The following GLTP variants were observed in gnomAD, a reference collection of about 807,000 sequenced individuals.
GLTP encodes glycolipid transfer protein.
Under a neutral mutation model 24.0 loss-of-function variants are expected in GLTP, and 22 were observed. That is an observed-to-expected ratio of 0.92 (90% CI 0.65 to 1.31). GLTP has a LOEUF of 1.31. GLTP is among the 50% of genes most tolerant of loss of function. The pLI is 0.00. For synonymous variants in GLTP, 92 were observed against 115.9 expected (o/e 0.79, Z 1.33); for missense variants, 224 against 276.6 (o/e 0.81, Z 1.35).
At chr12:109,874,106 G>C (rs1187887685) in intron 1 of GLTP, among the ~76,000 whole-genome samples, 1 of 152,166 alleles carries the variant, frequency 6.6e-6, no homozygotes, top group Non-Finnish European at 1.5e-5. Flanking sequence ...CTTTGCCAGA[G>C]AGAAAGCCAG....
At position 109,852,506 on chromosome 12, in the gene GLTP, G is replaced by A. The variant is rs1455222170; in HGVS notation, c.*49C>T. The A allele has an allele frequency of 2.4e-6, 3 of 1,242,068 alleles. No individual in the cohort carries two copies. The highest frequency in any genetic ancestry group is 1.7e-5 in the Admixed American group (1 of 57,500). The allele number at this position is 1,242,068 out of a possible 1,614,324, so 76.9% of individuals were successfully genotyped here. A position where few individuals can be genotyped will look rare whatever the true frequency, so the allele number is the denominator to read the frequency against. ...GATTCACAGTGATTCTGGTTTGCCTGTTTCTCCATGTGGCCACGAGTCGGG... is the reference window on the plus strand; with the variant it reads ...GATTCACAGTGATTCTGGTTTGCCTATTTCTCCATGTGGCCACGAGTCGGG... On this transcript the variant is annotated 3_prime_UTR_variant, in exon 5 of 5. Transcript: ENST00000318348.
chr12:109,867,780 T>C (rs796644843), intron 1 of GLTP, among the ~76,000 whole-genome samples: 44 of 31,066 alleles, frequency 1.4e-3, no homozygotes, highest in Admixed American at 1.9e-3. Context: ...TCTTTTCTCT[T>C]TTTTTTTTTT....
At chr12:109,868,151 CAT>C (rs1269862788) in intron 1 of GLTP, among the ~76,000 whole-genome samples, 2 of 152,352 alleles carry the variant, frequency 1.3e-5, no homozygotes, top group East Asian at 1.9e-4. Flanking sequence ...ACTACAGACA[CAT>C]GTCACTACGA....
At chr12:109,877,178 C>T (rs1450720080) in intron 1 of GLTP, among the ~76,000 whole-genome samples, 2 of 152,152 alleles carry the variant, frequency 1.3e-5, no homozygotes, top group African/African-American at 4.8e-5. Flanking sequence ...CCAAAAAGAC[C>T]GATGTAAATG....
At chr12:109,864,099 C>A (rs1030681261) in intron 1 of GLTP, among the ~76,000 whole-genome samples, 1 of 152,182 alleles carries the variant, frequency 6.6e-6, no homozygotes, top group East Asian at 1.9e-4. Context: ...GGCCACCACA[C>A]AGGGCCAGAG....
intron 4 of GLTP, among the ~76,000 whole-genome samples, chr12:109,853,910 T>A (rs1892760164): frequency 6.7e-6 from 1 of 149,774 alleles, no homozygotes; most frequent in South Asian, 2.2e-4. Context: ...GCCCAGCTAA[T>A]TTTTTGTATT....
In GLTP at chr12:109,857,069, G is replaced by A; in HGVS notation, c.296+457C>T. Among the ~76,000 whole-genome samples, 1 of 152,186 alleles carries A rather than the reference G, an allele frequency of 6.6e-6. No individual in the cohort carries two copies. The highest frequency in any genetic ancestry group is 1.9e-4 in the East Asian group (1 of 5,194). On this transcript the variant is annotated intron_variant, in intron 3 of 4. Transcript: ENST00000318348. The surrounding 1 kb of genome is among the most constrained non-coding windows in gnomAD (Gnocchi z 4.3). ...AAGAATTCCTTCTCCTCAAGATGGT[G>A]TACTTCTACCAAGAAACTGTCATAA...
chr12:109,858,925 C>T (rs1892837711), intron 1 of GLTP, among the ~76,000 whole-genome samples, 184 bp from the exon 2 acceptor site: 1 of 152,224 alleles, frequency 6.6e-6, no homozygotes, highest in Admixed American at 6.5e-5. Flanking sequence ...CTCTCAGCTT[C>T]CTGTTTCCTA....
At chr12:109,858,267 C>T in intron 2 of GLTP, 1 of 458,134 alleles carries the variant, frequency 2.2e-6, no homozygotes, top group Non-Finnish European at 4.4e-6. Context: ...TGCAGTGTGT[C>T]CCAAGCCCTT....
chr12:109,856,234 C>T (rs1892793845), intron 3 of GLTP, among the ~76,000 whole-genome samples: 1 of 152,224 alleles, frequency 6.6e-6, no homozygotes, highest in Admixed American at 6.5e-5. Context: ...CCCCAGCCCT[C>T]AGCATCTTTC....
Position 109,851,074 on chromosome 12 carries a change from G to C in GLTP, c.*1481C>G, listed in dbSNP as rs1565895707. The C allele has an allele frequency of 5.2e-5, 8 of 152,558 alleles. No individual in the cohort carries two copies. The highest frequency in any genetic ancestry group is 4.6e-4 in the Admixed American group (7 of 15,264). 9.5% of individuals were successfully genotyped at this position (152,558 alleles called of 1,614,324 possible). ...TTTTGGGGTTGCTTTGTTTGCCCCA[G>C]CACTTTAAAAAATACAGCTCTTTTT... On this transcript the variant is annotated 3_prime_UTR_variant, in exon 5 of 5. Transcript: ENST00000318348.
rs74504259 is a variant in GLTP at position 109,862,281 on chromosome 12, A to G, written c.104-3540T>C. 2.2e-3 allele frequency among the ~76,000 whole-genome samples: 327 copies of G among 151,880 alleles called. 1 individual carries two copies. The highest frequency in any genetic ancestry group is 7.7e-3 in the African/African-American group (317 of 41,424). On this transcript the variant is annotated intron_variant, in intron 1 of 4. Transcript: ENST00000318348. ...TTTAACCTCACCTGATGGATCACTG[A>G]CCTCCGCTGCGTGTAGAGGCCAGCC...
intron 4 of GLTP, among the ~76,000 whole-genome samples, chr12:109,854,813 G>A (rs987801144): frequency 6.6e-6 from 1 of 152,188 alleles, no homozygotes; most frequent in African/African-American, 2.4e-5. Context: ...GGGCTGCCAC[G>A]CATCTCACCC....
intron 3 of GLTP, among the ~76,000 whole-genome samples, chr12:109,856,811 G>A (rs189853536): frequency 1.8e-4 from 28 of 152,266 alleles, no homozygotes; most frequent in Admixed American, 3.9e-4. Flanking sequence ...TGCCTCACAC[G>A]GATCACTTGA....
chr12:109,871,149 T>C (rs1485786258), intron 1 of GLTP, among the ~76,000 whole-genome samples: 1 of 149,220 alleles, frequency 6.7e-6, no homozygotes, highest in Non-Finnish European at 1.5e-5. Flanking sequence ...AGTGGCGTGA[T>C]CTCGACTCAC....
Position 109,857,454 on chromosome 12 carries a change from G to A in GLTP, c.296+72C>T, listed in dbSNP as rs78924116. On this transcript the variant is annotated intron_variant, in intron 3 of 4. Transcript: ENST00000318348. The surrounding 1 kb of genome is among the most constrained non-coding windows in gnomAD (Gnocchi z 4.3). ...GACCTTCCCAGCCTGAGCTGACACTGCGGAACAGTGACAGGTTTGCTTTCC... is the reference window on the plus strand; with the variant it reads ...GACCTTCCCAGCCTGAGCTGACACTACGGAACAGTGACAGGTTTGCTTTCC... 1,342 of 1,543,146 alleles carry A rather than the reference G, an allele frequency of 8.7e-4. 7 individuals are homozygous for A. The African/African-American group carries it at 0.015, about 18-fold the overall frequency.
chr12:109,862,861 G>T (rs1056297892), intron 1 of GLTP, among the ~76,000 whole-genome samples: 2 of 152,186 alleles, frequency 1.3e-5, no homozygotes, highest in African/African-American at 4.8e-5. Context: ...AGACCAGCCT[G>T]ACCAACTTGG....
intron 2 of GLTP, chr12:109,858,309 T>C (rs1262385097): frequency 9.1e-6 from 4 of 439,386 alleles, no homozygotes; most frequent in Non-Finnish European, 4.5e-6. Flanking sequence ...TCACAGGCAG[T>C]CTATGGCTGG....
chr12:109,852,730 A>G lies in GLTP; in HGVS notation c.455T>C (p.Leu152Pro), dbSNP rs767714916. The change falls in exon 5 of 5, where the codon CTG becomes CCG. Residue 152 changes from leucine (L) to proline (P), a missense_variant. Coordinates refer to ENST00000318348, the MANE Select transcript of GLTP (RefSeq NM_016433.4). ...WIVQKIFQAA[L>P]YAAPYKSDFL... The stretch of plus-strand genomic sequence containing the variant: ...GTCAGACTTATAGGGTGCTGCGTAC[A>G]GTGCTGCCTTGAGACAGGCAAGAAG... The G allele has an allele frequency of 1.2e-6, 2 of 1,610,700 alleles. No homozygotes were observed. Among genetic ancestry groups the G allele is most frequent in the East Asian group, 2.2e-5 (1 of 44,846 alleles).
Sources: allele counts gnomAD v4.1 joint callset (sites outside exome capture counted in the v4.1 genomes callset), GRCh38; gene constraint gnomAD v4.1.1; non-coding constraint Gnocchi (gnomAD v3.1); transcripts MANE v1.5; gene names NCBI Gene and HGNC (gene_info 2026-07-23, HGNC 2026-07-21).